The following BNC2 variants were observed in gnomAD, a reference collection of about 807,000 sequenced individuals.
The protein encoded by BNC2 is basonuclin zinc finger protein 2.
BNC2 carries 20 observed loss-of-function variants against 76.3 expected under a neutral mutation model. That is an observed-to-expected ratio of 0.26 (90% confidence interval 0.18 to 0.38). The LOEUF (loss-of-function observed/expected upper bound fraction) is 0.38, where lower values mean the gene tolerates loss of function less well. Among genes scored for constraint, BNC2 ranks in the 10% least tolerant of loss-of-function variants. The probability of loss-of-function intolerance (pLI) is 1.00; values close to 1 mark genes in which losing one functional copy is unlikely to be tolerated. For missense variants in BNC2, 1,382 were observed against 1,399.8 expected, an observed-to-expected ratio of 0.99 and a Z score of 0.20; for synonymous variants, 582 against 514.8, an observed-to-expected ratio of 1.13 and a Z score of -1.77.
chr9:16,734,579 A>G (rs1824610655), intron 2 of BNC2, among the ~76,000 whole-genome samples: 1 of 152,196 alleles, frequency 6.6e-6, no homozygotes, highest in Non-Finnish European at 1.5e-5. Flanking sequence ...CAGCCTGAAG[A>G]TTTCAAGGGG....
intron 4 of BNC2, among the ~76,000 whole-genome samples, chr9:16,559,992 C>G (rs1471213557): frequency 6.6e-6 from 1 of 152,202 alleles, no homozygotes; most frequent in Non-Finnish European, 1.5e-5. Context: ...TCTCCTAACT[C>G]GGAAGTCAGC....
chr9:16,681,644 C>G (rs1441411525), intron 3 of BNC2, among the ~76,000 whole-genome samples: 1 of 152,182 alleles, frequency 6.6e-6, no homozygotes, highest in African/African-American at 2.4e-5. Flanking sequence ...CACTTATTCT[C>G]TACCCCTCCC....
chr9:16,630,724 T>A (rs1333183768), intron 3 of BNC2, among the ~76,000 whole-genome samples: 1 of 151,716 alleles, frequency 6.6e-6, no homozygotes, highest in East Asian at 1.9e-4. Context: ...AAAACCTGTG[T>A]ATTATTTAAA....
intron 1 of BNC2, among the ~76,000 whole-genome samples, chr9:16,784,820 C>G (rs1001239996): frequency 1.3e-5 from 2 of 152,224 alleles, no homozygotes; most frequent in African/African-American, 4.8e-5. Flanking sequence ...TGCCCTCCAA[C>G]TGCGGAGCAA....
chr9:16,765,194 A>T (rs1825658167), intron 1 of BNC2, among the ~76,000 whole-genome samples: 1 of 152,236 alleles, frequency 6.6e-6, no homozygotes, highest in South Asian at 2.1e-4. Context: ...AAACATACAC[A>T]AAGAGACAGT....
At chr9:16,455,392 T>C (rs191601720) in intron 5 of BNC2, among the ~76,000 whole-genome samples, 2 of 152,346 alleles carry the variant, frequency 1.3e-5, no homozygotes, top group East Asian at 1.9e-4. Context: ...TAATTCTTAA[T>C]ATGGAGCTCT....
chr9:16,709,033 C>T lies in BNC2; in HGVS notation c.330+18764G>A, dbSNP rs146090982. On this transcript the variant is annotated intron_variant, in intron 3 of 6. Coordinates refer to ENST00000380672, the MANE Select transcript of BNC2 (RefSeq NM_017637.6). ...TTTGACTTCTTAAATTTATCAAAAACGCACGCAAAGGGAGGCAGCTTCGGC... is the reference window on the plus strand; with the variant it reads ...TTTGACTTCTTAAATTTATCAAAAATGCACGCAAAGGGAGGCAGCTTCGGC... Among the ~76,000 whole-genome samples the T allele has an allele frequency of 3.3e-5, 5 of 152,308 alleles. 1 individual carries two copies. In the East Asian group the frequency reaches 5.8e-4, roughly 18 times the overall value.
chr9:16,481,873 A>T (rs373262333), intron 5 of BNC2, among the ~76,000 whole-genome samples: 6 of 152,332 alleles, frequency 3.9e-5, no homozygotes, highest in East Asian at 3.9e-4. Context: ...CTTAGACAAG[A>T]TAATTAATTT....
At chr9:16,481,004 C>G (rs1030822740) in intron 5 of BNC2, among the ~76,000 whole-genome samples, 1 of 152,212 alleles carries the variant, frequency 6.6e-6, no homozygotes, top group Non-Finnish European at 1.5e-5. Flanking sequence ...ACCTTTATGT[C>G]TAGCTCAGGG....
At chr9:16,671,823 C>T (rs1391283755) in intron 3 of BNC2, among the ~76,000 whole-genome samples, 4 of 152,188 alleles carry the variant, frequency 2.6e-5, no homozygotes, top group South Asian at 4.1e-4. Flanking sequence ...GAAAGGCTTA[C>T]AGAAAACAGA....
At chr9:16,833,560 T>A (rs891607067) in intron 1 of BNC2, among the ~76,000 whole-genome samples, 4 of 152,180 alleles carry the variant, frequency 2.6e-5, no homozygotes, top group African/African-American at 9.6e-5. Context: ...GCAATTTTTT[T>A]TTCTCTCTGA....
chr9:16,532,522 G>A (rs977966646), intron 5 of BNC2, among the ~76,000 whole-genome samples: 2 of 152,178 alleles, frequency 1.3e-5, no homozygotes, highest in African/African-American at 4.8e-5. Flanking sequence ...GTGCAGTAGT[G>A]TGCTAGGGCT....
chr9:16,551,305 T>G (rs1017275314), intron 5 of BNC2, among the ~76,000 whole-genome samples: 7 of 152,206 alleles, frequency 4.6e-5, no homozygotes, highest in African/African-American at 1.7e-4. Context: ...ACTTCTACTT[T>G]CTATCCTTCC....
At chr9:16,829,727 A>G (rs1455505630) in intron 1 of BNC2, among the ~76,000 whole-genome samples, 1 of 152,220 alleles carries the variant, frequency 6.6e-6, no homozygotes, top group Non-Finnish European at 1.5e-5. Flanking sequence ...AATATTTTTA[A>G]TGTACAAAAT....
chr9:16,464,783 T>C (rs1032094902), intron 5 of BNC2, among the ~76,000 whole-genome samples: 3 of 152,150 alleles, frequency 2.0e-5, no homozygotes, highest in Non-Finnish European at 4.4e-5. Context: ...CAATGGTTTT[T>C]TCAAAATTCA....
At chr9:16,653,406 A>T (rs930167222) in intron 3 of BNC2, among the ~76,000 whole-genome samples, 1 of 152,274 alleles carries the variant, frequency 6.6e-6, no homozygotes, top group South Asian at 2.1e-4. Context: ...TACAAAATGC[A>T]CACATATACA....
intron 3 of BNC2, among the ~76,000 whole-genome samples, chr9:16,693,262 C>T (rs139890644): frequency 1.2e-3 from 176 of 152,106 alleles, no homozygotes; most frequent in African/African-American, 4.0e-3. Context: ...TTCTCTTATG[C>T]TAGCAGCCTG....
intron 1 of BNC2, among the ~76,000 whole-genome samples, chr9:16,837,280 T>C (rs547596696): frequency 3.9e-3 from 592 of 152,196 alleles, no homozygotes; most frequent in African/African-American, 0.014. Flanking sequence ...CCAAGGCAGG[T>C]GGATCACCAG....
intron 3 of BNC2, among the ~76,000 whole-genome samples, chr9:16,707,404 T>G (rs1823711434): frequency 6.6e-6 from 1 of 152,160 alleles, no homozygotes; most frequent in Admixed American, 6.5e-5. Context: ...TCCAAACAGA[T>G]ACACTTTTCT....
Sources: gnomAD v4.1 joint callset for allele counts (sites outside exome capture counted in the v4.1 genomes callset) on GRCh38, gnomAD v4.1.1 for gene constraint, MANE v1.5 for transcripts, NCBI Gene and HGNC (gene_info 2026-07-23, HGNC 2026-07-21) for gene names.